Variants in THADA observed in about 807,000 individuals in gnomAD.
THADA encodes THADA armadillo repeat containing.
THADA carries 213 observed loss-of-function variants against 219.8 expected under a neutral mutation model. The ratio of observed to expected loss-of-function variants is 0.97; its 90% CI spans 0.87 to 1.09. THADA has a LOEUF of 1.09. THADA is among the 50% of genes least tolerant of loss of function. The pLI is 0.00. For missense variants in THADA, 2,956 were observed against 2,311.3 expected (o/e 1.28, Z -5.72); for synonymous variants, 1,018 against 828.9 (o/e 1.23, Z -3.92).
At chr2:43,545,372 G>A (rs1259606913) in intron 20 of THADA, among the ~76,000 whole-genome samples, 1 of 151,886 alleles carries the variant, frequency 6.6e-6, no homozygotes, top group Non-Finnish European at 1.5e-5. Flanking sequence ...TTGGTATCAG[G>A]ATGATGCTGG....
Position 43,365,598 on chromosome 2 carries a change from C to T in THADA, c.4228-21361G>A, listed in dbSNP as rs112790751. ...ACACACACACACACACACACACACA[C>T]GCACAAAATGCAGACAGGTCAGATA... On this transcript the variant is annotated intron_variant, in intron 29 of 37. Coordinates refer to ENST00000405975, the MANE Select transcript of THADA (RefSeq NM_022065.5). Among the ~76,000 whole-genome samples, 891 of 151,622 alleles carry T rather than the reference C, an allele frequency of 5.9e-3. 4 individuals are homozygous for T. The highest frequency in any genetic ancestry group is 0.019 in the African/African-American group (768 of 41,282).
intron 28 of THADA, among the ~76,000 whole-genome samples, chr2:43,427,123 G>A (rs548734998): frequency 1.3e-5 from 2 of 152,192 alleles, no homozygotes; most frequent in African/African-American, 2.4e-5. Flanking sequence ...AAGAGAAGAC[G>A]AGTGGGAATT....
At chr2:43,586,357 C>A in intron 7 of THADA, 44 bp downstream of exon 7, 1 of 1,473,738 alleles carries the variant, frequency 6.8e-7, no homozygotes, top group African/African-American at 1.4e-5. Flanking sequence ...AGATAATGTA[C>A]AACTGCAAGT....
At chr2:43,495,151 T>C (rs995740082) in intron 25 of THADA, among the ~76,000 whole-genome samples, 34 of 152,188 alleles carry the variant, frequency 2.2e-4, no homozygotes, top group African/African-American at 8.0e-4. Context: ...TTGTAAATTG[T>C]TTTTGTAAGT....
intron 31 of THADA, 81 bp from the exon 32 acceptor site, chr2:43,293,294 T>C: frequency 6.9e-6 from 9 of 1,300,918 alleles, no homozygotes; most frequent in Non-Finnish European, 9.5e-6. Flanking sequence ...GAAGACTGAA[T>C]CCACTGCGTG....
intron 20 of THADA, among the ~76,000 whole-genome samples, chr2:43,548,176 A>G (rs1426611280): frequency 2.6e-5 from 4 of 152,190 alleles, no homozygotes; most frequent in Non-Finnish European, 1.5e-5. Context: ...GCTGCAGAAC[A>G]GCGGATTTTT....
chr2:43,389,145 C>G (rs947470135), intron 29 of THADA, among the ~76,000 whole-genome samples: 2 of 152,156 alleles, frequency 1.3e-5, no homozygotes, highest in Admixed American at 1.3e-4. Context: ...AAGTAACTCA[C>G]CCAAAATAAC....
At chr2:43,384,968 C>G (rs1672465800) in intron 29 of THADA, among the ~76,000 whole-genome samples, 2 of 151,944 alleles carry the variant, frequency 1.3e-5, no homozygotes, top group Non-Finnish European at 2.9e-5. Flanking sequence ...TGGTGAAACA[C>G]CATCTCTACT....
At chr2:43,334,790 A>C (rs6740322) in intron 30 of THADA, among the ~76,000 whole-genome samples, 30,559 of 151,874 alleles carry the variant, frequency 0.2, 3,222 homozygotes, top group South Asian at 0.25. Context: ...AAAAAAAAAA[A>C]CAAAAAAAAC....
chr2:43,300,033 CA>C (rs538753350), intron 31 of THADA, among the ~76,000 whole-genome samples: 2,225 of 83,586 alleles, frequency 0.027, 41 homozygotes, highest in African/African-American at 0.075. Flanking sequence ...TGTCTCAAGG[CA>C]AAAAAAAAAA....
intron 36 of THADA, among the ~76,000 whole-genome samples, chr2:43,248,104 G>A (rs1289846342): frequency 7.7e-6 from 1 of 130,468 alleles, no homozygotes; most frequent in Non-Finnish European, 1.6e-5. Flanking sequence ...AGAACTTTAG[G>A]AAATGCCTTC....
In THADA at chr2:43,577,084, C is replaced by A; in HGVS notation, c.975G>T (p.Met325Ile). 1 of 1,613,552 alleles carries A rather than the reference C, an allele frequency of 6.2e-7. No homozygotes were observed. The highest frequency in any genetic ancestry group is 2.2e-5 in the East Asian group (1 of 44,874). The change falls in exon 10 of 38, where the codon ATG (methionine) becomes ATT (isoleucine). Residue 325 changes from methionine to isoleucine, a missense_variant. Coordinates refer to ENST00000405975, the MANE Select transcript of THADA (RefSeq NM_022065.5). ...AGAGCAGGGCCTCCCCACTCCGACC[C>A]ATGCTTCCGTTCTGCCAGTCCAACA... is the stretch of plus-strand genomic sequence containing the variant. ...LAMLDWQNGSMGRSGEALLLD... is the reference protein window; with the variant it reads ...LAMLDWQNGSIGRSGEALLLD...
intron 21 of THADA, among the ~76,000 whole-genome samples, chr2:43,534,055 A>C (rs943061780): frequency 3.9e-5 from 6 of 152,232 alleles, no homozygotes; most frequent in Non-Finnish European, 5.9e-5. Context: ...TTTATAGCCC[A>C]GCAAGATAAA....
chr2:43,245,425 G>A (rs1326979731), intron 36 of THADA, among the ~76,000 whole-genome samples: 1 of 152,006 alleles, frequency 6.6e-6, no homozygotes, highest in East Asian at 1.9e-4. Context: ...CACCCGCCTT[G>A]GCCTCCCAAC....
intron 14 of THADA, 61 bp downstream of exon 14, chr2:43,570,327 C>A: frequency 6.8e-7 from 1 of 1,461,670 alleles, no homozygotes; most frequent in Non-Finnish European, 9.3e-7. Context: ...CCCTTTAATG[C>A]TTATTCATAA....
intron 26 of THADA, among the ~76,000 whole-genome samples, chr2:43,452,791 G>A (rs999369991): frequency 1.1e-4 from 17 of 152,174 alleles, no homozygotes; most frequent in African/African-American, 4.1e-4. Flanking sequence ...ATCATCTGCT[G>A]TTACAAAGCA....
chr2:43,462,910 T>A (rs1683806230), intron 26 of THADA: 1 of 152,184 alleles, frequency 6.6e-6, no homozygotes, highest in African/African-American at 2.4e-5. Flanking sequence ...GTGGTTAACA[T>A]TTCCTAGGGA....
chr2:43,504,071 T>TA lies in THADA; in HGVS notation c.3621+1550dup, dbSNP rs372128339. ...GTATAATGCAAATATGCCAAAATAA[T>TA]AAAAAAAAAAACTGAACTCTGAAAC... On this transcript the variant is annotated intron_variant, in intron 24 of 37. Transcript: ENST00000405975. Among the ~76,000 whole-genome samples the TA allele has an allele frequency of 9.1e-3, 1,310 of 143,302 alleles. 14 individuals are homozygous for TA. The highest frequency in any genetic ancestry group is 0.023 in the African/African-American group (891 of 39,360). The allele number at this position is 143,302 out of a possible 152,430, so 94.0% of individuals were successfully genotyped here.
chr2:43,300,872 T>A (rs1387707847), intron 31 of THADA, among the ~76,000 whole-genome samples: 1 of 152,228 alleles, frequency 6.6e-6, no homozygotes, highest in East Asian at 1.9e-4. Context: ...GACTGCTGCC[T>A]CGACCTCACC....
Sources: allele counts gnomAD v4.1 joint callset (sites outside exome capture counted in the v4.1 genomes callset), GRCh38; gene constraint gnomAD v4.1.1; transcripts MANE v1.5; gene names NCBI Gene and HGNC (gene_info 2026-07-23, HGNC 2026-07-21).